Variants in MYZAP observed in about 807,000 individuals in gnomAD.
MYZAP encodes myocardial zonula adherens protein, also known as GRINL1A complex locus upstream.
MYZAP carries 66 observed loss-of-function variants against 69.4 expected under a neutral mutation model. The ratio of observed to expected loss-of-function variants is 0.95; its 90% confidence interval spans 0.78 to 1.17. The LOEUF (loss-of-function observed/expected upper bound fraction) is 1.17, where lower values mean the gene tolerates loss of function less well. Among genes scored for constraint, MYZAP ranks in the 50% most tolerant of loss-of-function variants. The probability of loss-of-function intolerance (pLI) is 0.00; values close to 1 mark genes in which losing one functional copy is unlikely to be tolerated. For missense variants in MYZAP, 611 were observed against 556.2 expected, an observed-to-expected ratio of 1.10 and a Z score of -0.99; for synonymous variants, 256 against 205.9, an observed-to-expected ratio of 1.24 and a Z score of -2.09.
Position 57,669,026 on chromosome 15 carries a change from C to T in MYZAP, c.1204-5942C>T, listed in dbSNP as rs1595932224. Among the ~76,000 whole-genome samples, 3 of 151,486 alleles carry T rather than the reference C, an allele frequency of 2.0e-5. No homozygotes were observed. The South Asian group carries it at 6.2e-4, about 32-fold the overall frequency. On this transcript the variant is annotated intron_variant, in intron 11 of 12. Transcript: ENST00000267853. ...ACCTCTCAGCCTCCTGAGTAGCTGG[C>T]ACTGCAGGTGCATGCCACCACGCTC...
At chr15:57,632,615 G>A in intron 7 of MYZAP, 56 bp downstream of exon 7, 2 of 1,607,042 alleles carry the variant, frequency 1.2e-6, no homozygotes, top group South Asian at 1.1e-5. Context: ...GTTCATTATT[G>A]TTGGTGATGT....
At chr15:57,596,625 G>A (rs1031523399) in intron 1 of MYZAP, among the ~76,000 whole-genome samples, 3 of 152,084 alleles carry the variant, frequency 2.0e-5, no homozygotes, top group Non-Finnish European at 2.9e-5. Flanking sequence ...CTCCTGACTC[G>A]TCTGCTTCAA....
chr15:57,629,715 A>G lies in MYZAP; in HGVS notation c.539A>G (p.Asp180Gly), dbSNP rs2036381379. ...DSIGLQKTLV[D>G]VTLENSNIKD... Reference sequence around the variant, plus strand: ...TCATCCTCACAGAAAACCCTCGTGGATGTGACTTTGGAAAACAGCAACATT... The same window carrying G: ...TCATCCTCACAGAAAACCCTCGTGGGTGTGACTTTGGAAAACAGCAACATT... The change falls in exon 6 of 13, where the codon GAT becomes GGT. Residue 180 changes from aspartate to glycine, a missense_variant. Physicochemically the swap from Asp to Gly is moderately conservative, Grantham distance 94. Transcript: ENST00000267853. 1 of 1,609,258 alleles carries G rather than the reference A, an allele frequency of 6.2e-7. No homozygotes were observed. The highest frequency in any genetic ancestry group is 8.5e-7 in the Non-Finnish European group (1 of 1,178,818).
intron 2 of MYZAP, among the ~76,000 whole-genome samples, chr15:57,611,414 A>C (rs148889220): frequency 2.4e-4 from 36 of 152,344 alleles, no homozygotes; most frequent in African/African-American, 7.9e-4. Flanking sequence ...CCTGGGTTCC[A>C]GAAAAGCAGT....
At chr15:57,650,939 A>G (rs908807988) in intron 10 of MYZAP, among the ~76,000 whole-genome samples, 6 of 152,212 alleles carry the variant, frequency 3.9e-5, no homozygotes, top group African/African-American at 1.4e-4. Context: ...ATATAGGTTG[A>G]CACCAATTGT....
rs114789579 is a variant in MYZAP, at chr15:57,622,812, T to C, written c.411+1112T>C. On this transcript the variant is annotated intron_variant, in intron 4 of 12. Transcript: ENST00000267853. ...TGAGGTAAGGGAATGCCTTTTCTTA[T>C]TATGATATAAAATCCCAAAACCATG... is the stretch of plus-strand genomic sequence containing the variant. 6.9e-3 allele frequency among the ~76,000 whole-genome samples: 1,044 copies of C among 152,360 alleles called. 15 individuals are homozygous for C. Among genetic ancestry groups the C allele is most frequent in the African/African-American group, 0.024 (989 of 41,586 alleles).
intron 3 of MYZAP, among the ~76,000 whole-genome samples, chr15:57,620,283 GCTGT>G (rs750696169): frequency 3.9e-5 from 6 of 152,232 alleles, no homozygotes; most frequent in Admixed American, 6.5e-5. Flanking sequence ...TAATAAACAT[GCTGT>G]CTATTTTAAA....
intron 10 of MYZAP, among the ~76,000 whole-genome samples, chr15:57,650,117 G>C (rs2037653693): frequency 6.6e-6 from 1 of 152,038 alleles, no homozygotes; most frequent in African/African-American, 2.4e-5. Context: ...TTTTATTTTT[G>C]GCTCACGGAA....
chr15:57,618,792 C>G (rs1490051328), intron 3 of MYZAP, among the ~76,000 whole-genome samples: 1 of 152,182 alleles, frequency 6.6e-6, no homozygotes, highest in Non-Finnish European at 1.5e-5. Context: ...TCTTCTCTCT[C>G]TCTCCATTTC....
At position 57,654,905 on chromosome 15, in the gene MYZAP, C is replaced by T. The variant is rs190260837; in HGVS notation, c.1120-6545C>T. Among the ~76,000 whole-genome samples the T allele has an allele frequency of 6.9e-4, 104 of 151,440 alleles. 1 individual carries two copies. In the East Asian group the frequency reaches 0.017, roughly 24 times the overall value. On this transcript the variant is annotated intron_variant, in intron 10 of 12. Coordinates refer to ENST00000267853, the MANE Select transcript of MYZAP (RefSeq NM_001018100.5). ...TTTTTTTTTTTTTAGCTATAGCAATCTGTTTCTAACGCAGTTTTTATTTAA... is the reference window on the plus strand; with the variant it reads ...TTTTTTTTTTTTTAGCTATAGCAATTTGTTTCTAACGCAGTTTTTATTTAA...
At chr15:57,651,844 C>T (rs955724262) in intron 10 of MYZAP, among the ~76,000 whole-genome samples, 1 of 152,164 alleles carries the variant, frequency 6.6e-6, no homozygotes, top group Non-Finnish European at 1.5e-5. Context: ...CCTTCCCTGA[C>T]ATTTGTACAG....
At chr15:57,614,478 G>T (rs1318035151) in intron 2 of MYZAP, among the ~76,000 whole-genome samples, 1 of 152,236 alleles carries the variant, frequency 6.6e-6, no homozygotes, top group Admixed American at 6.5e-5. Context: ...CAGGAAAGGC[G>T]TTCTTGATTC....
chr15:57,642,660 G>T (rs1167574413), intron 10 of MYZAP, among the ~76,000 whole-genome samples: 1 of 152,168 alleles, frequency 6.6e-6, no homozygotes, highest in Non-Finnish European at 1.5e-5. Flanking sequence ...TAAATGATGG[G>T]CTTCTTTTGT....
In MYZAP at chr15:57,625,817, C is replaced by T. The variant is rs940647228; in HGVS notation, c.450C>T (p.Ile150=). The part of the protein sequence containing the change: ...HAQQEYLENH[I]QTQSSALDRF... ...AGCAGGAGTATCTGGAGAATCACAT[C>T]CAAACCCAGTCGTCTGCCCTGGATC... Residue 150 remains isoleucine, a synonymous_variant, in exon 5 of 13, where the codon ATC becomes ATT. Coordinates refer to ENST00000267853, the MANE Select transcript of MYZAP (RefSeq NM_001018100.5). 3 of 1,614,188 alleles carry T rather than the reference C, an allele frequency of 1.9e-6. No individual in the cohort carries two copies. The Admixed American group carries it at 5.0e-5, about 27-fold the overall frequency.
At position 57,631,524 on chromosome 15, in the gene MYZAP, A is replaced by G. The variant is rs193291258; in HGVS notation, c.679-910A>G. Among the ~76,000 whole-genome samples, 107 of 151,682 alleles carry G rather than the reference A, an allele frequency of 7.1e-4. 2 individuals are homozygous for G. Among genetic ancestry groups the G allele is most frequent in the African/African-American group, 2.5e-3 (105 of 41,366 alleles). On this transcript the variant is annotated intron_variant, in intron 6 of 12. Coordinates refer to ENST00000267853, the MANE Select transcript of MYZAP (RefSeq NM_001018100.5). Reference sequence around the variant, plus strand: ...GTTACATGACCTGGATGCAGAGTGAATGGGCCTCCAGGGACAGAGCCCTTC... The same window carrying G: ...GTTACATGACCTGGATGCAGAGTGAGTGGGCCTCCAGGGACAGAGCCCTTC...
intron 2 of MYZAP, among the ~76,000 whole-genome samples, chr15:57,605,816 A>G (rs1475464407): frequency 6.6e-6 from 1 of 152,210 alleles, no homozygotes; most frequent in Non-Finnish European, 1.5e-5. Context: ...TCAGAGATGA[A>G]TGGGGTCCTA....
At chr15:57,611,813 C>T (rs1032689992) in intron 2 of MYZAP, among the ~76,000 whole-genome samples, 13 of 152,110 alleles carry the variant, frequency 8.5e-5, no homozygotes, top group Non-Finnish European at 1.6e-4. Flanking sequence ...AATCATAGCA[C>T]ACGATTGCCT....
intron 11 of MYZAP, among the ~76,000 whole-genome samples, chr15:57,663,253 G>A (rs2038402198): frequency 6.7e-6 from 1 of 148,552 alleles, no homozygotes; most frequent in Admixed American, 6.9e-5. Context: ...CTCTCCTACT[G>A]GTAGATTCTT....
chr15:57,678,851 C>T (rs1425773569), intron 12 of MYZAP, among the ~76,000 whole-genome samples: 2 of 151,696 alleles, frequency 1.3e-5, no homozygotes, highest in Non-Finnish European at 2.9e-5. Context: ...TAGAGCTGCT[C>T]TACTTTTTTT....
Sources: allele counts gnomAD v4.1 joint callset (sites outside exome capture counted in the v4.1 genomes callset), GRCh38; gene constraint gnomAD v4.1.1; transcripts MANE v1.5; gene names NCBI Gene and HGNC (gene_info 2026-07-23, HGNC 2026-07-21).